The following CBL variants were observed in gnomAD, a reference collection of about 807,000 sequenced individuals.
CBL encodes the protein Cbl proto-oncogene.
CBL carries 45 observed loss-of-function variants against 96.9 expected under a neutral mutation model. The observed-to-expected ratio is 0.46, with a 90% CI of 0.37 to 0.60. The LOEUF is 0.60. CBL is among the 20% of genes least tolerant of loss of function. The pLI is 0.00. For missense variants in CBL, 1,024 were observed against 1,143.5 expected (o/e 0.90, Z 1.51); for synonymous variants, 420 against 426.8 (o/e 0.98, Z 0.20).
chr11:119,218,451 G>C (rs748492457), intron 1 of CBL, among the ~76,000 whole-genome samples: 1 of 152,174 alleles, frequency 6.6e-6, no homozygotes, highest in African/African-American at 2.4e-5. Flanking sequence ...CATATCCATA[G>C]TTTCGCTTCC....
chr11:119,228,598 C>T (rs1472143315), intron 1 of CBL, among the ~76,000 whole-genome samples: 1 of 149,462 alleles, frequency 6.7e-6, no homozygotes, highest in African/African-American at 2.5e-5. Flanking sequence ...AAGAGCAAAA[C>T]TCCATCTCAA....
At chr11:119,274,791 C>T (rs1355796754) in intron 4 of CBL, 41 bp from the exon 5 acceptor site, 3 of 1,563,822 alleles carry the variant, frequency 1.9e-6, no homozygotes, top group Non-Finnish European at 2.6e-6. Flanking sequence ...GTTGGTTGTA[C>T]ATCTGACCTG....
rs753249252 is a variant in CBL, at chr11:119,278,590, T to C, written c.1308T>C (p.Pro436=). ...CCATCGTGGTAGATCCGTTTGATCC[T>C]AGAGGGAGTGGCAGCCTGTTGAGGC... is the stretch of plus-strand genomic sequence containing the variant. The part of the protein sequence containing the change: ...TEPIVVDPFD[P]RGSGSLLRQG... The change falls in exon 9 of 16, where the codon CCT becomes CCC. Residue 436 remains proline (P), a synonymous_variant. Transcript: ENST00000264033. The C allele has an allele frequency of 1.2e-6, 2 of 1,614,134 alleles. No homozygotes were observed. Among genetic ancestry groups the C allele is most frequent in the South Asian group, 2.2e-5 (2 of 91,084 alleles).
At chr11:119,291,991 T>A (rs1950030514) in intron 12 of CBL, among the ~76,000 whole-genome samples, 3 of 152,134 alleles carry the variant, frequency 2.0e-5, no homozygotes, top group Admixed American at 2.0e-4. Context: ...TAGCTGGGAT[T>A]TTAGGCATGT....
intron 2 of CBL, among the ~76,000 whole-genome samples, chr11:119,240,403 A>ACT (rs1297908437): frequency 3.3e-5 from 5 of 152,126 alleles, no homozygotes; most frequent in Non-Finnish European, 4.4e-5. Context: ...TGTTGCCAGG[A>ACT]CTCTGTCTGT....
In CBL at chr11:119,306,593, G is replaced by C. The variant is rs1216985068; in HGVS notation, c.*6812G>C. 2.6e-6 allele frequency: 1 copy of C among 382,238 alleles called. No individual in the cohort carries two copies. Among genetic ancestry groups the C allele is most frequent in the Non-Finnish European group, 4.6e-6 (1 of 215,756 alleles). 23.7% of individuals were successfully genotyped at this position (382,238 alleles called of 1,614,324 possible). On this transcript the variant is annotated 3_prime_UTR_variant, in exon 16 of 16. Transcript: ENST00000264033. ...CTCTACCTACCTCTGACCTTCTTGT[G>C]GGTGAGGGTGGCCATGCTTATGGCC...
At chr11:119,275,700 T>G (rs1340251095) in intron 5 of CBL, among the ~76,000 whole-genome samples, 2 of 151,614 alleles carry the variant, frequency 1.3e-5, no homozygotes, top group Admixed American at 1.3e-4. Flanking sequence ...CCATCTCTAC[T>G]AAAAATACAA....
At chr11:119,290,598 C>T (rs1487796618) in intron 12 of CBL, among the ~76,000 whole-genome samples, 6 of 133,648 alleles carry the variant, frequency 4.5e-5, no homozygotes, top group East Asian at 2.8e-4. Flanking sequence ...CCAGCCTGGG[C>T]GACAGAGCGA....
At position 119,306,176 on chromosome 11, in the gene CBL, G is replaced by A; in HGVS notation, c.*6395G>A. The A allele has an allele frequency of 2.5e-6, 1 of 398,154 alleles. No individual in the cohort carries two copies. Among genetic ancestry groups the A allele is most frequent in the Non-Finnish European group, 4.4e-6 (1 of 225,962 alleles). The allele number at this position is 398,154 out of a possible 1,614,324, so 24.7% of individuals were successfully genotyped here. On this transcript the variant is annotated 3_prime_UTR_variant, in exon 16 of 16. Coordinates refer to ENST00000264033, the MANE Select transcript of CBL (RefSeq NM_005188.4). ...ATGGCGAGTCAGGTGGGGAGCACGG[G>A]TGGAAGGGCCGGCTGTTGACAGACA...
At chr11:119,233,194 T>C (rs1490716668) in intron 2 of CBL, among the ~76,000 whole-genome samples, 1 of 152,128 alleles carries the variant, frequency 6.6e-6, no homozygotes, top group African/African-American at 2.4e-5. Flanking sequence ...TAGGTAGAGG[T>C]GAATGCAGTT....
chr11:119,302,798 A>C lies in CBL; in HGVS notation c.*3017A>C, dbSNP rs1416365202. On this transcript the variant is annotated 3_prime_UTR_variant, in exon 16 of 16. Coordinates refer to ENST00000264033, the MANE Select transcript of CBL (RefSeq NM_005188.4). ...AATAGACCAGGCAGCTTCTCATCTC[A>C]GCATTTACCTGTTAATATTTTTGTG... is the stretch of plus-strand genomic sequence containing the variant. 2 of 230,586 alleles carry C rather than the reference A, an allele frequency of 8.7e-6. No homozygotes were observed. The highest frequency in any genetic ancestry group is 2.2e-5 in the African/African-American group (1 of 45,190). 14.3% of individuals were successfully genotyped at this position (230,586 alleles called of 1,614,324 possible). A position where few individuals can be genotyped will look rare whatever the true frequency, so the allele number is the denominator to read the frequency against.
rs151221935 is a variant in CBL at position 119,307,829 on chromosome 11, G to A, written c.*8048G>A. 1,286 of 209,654 alleles carry A rather than the reference G, an allele frequency of 6.1e-3. 13 individuals are homozygous for A. The highest frequency in any genetic ancestry group is 0.02 in the African/African-American group (875 of 44,086). 13.0% of individuals were successfully genotyped at this position (209,654 alleles called of 1,614,324 possible). ...AGAAGAAAACAAAACAAACACATAG[G>A]TGAGATTTTCGTGGACTATTTTAAA... On this transcript the variant is annotated 3_prime_UTR_variant, in exon 16 of 16. Coordinates refer to ENST00000264033, the MANE Select transcript of CBL (RefSeq NM_005188.4).
At chr11:119,208,190 A>C (rs1336497987) in intron 1 of CBL, among the ~76,000 whole-genome samples, 1 of 152,226 alleles carries the variant, frequency 6.6e-6, no homozygotes, top group East Asian at 1.9e-4. Context: ...CACATCGAAG[A>C]TATTCAAATG....
At chr11:119,290,344 C>G (rs1378172445) in intron 12 of CBL, among the ~76,000 whole-genome samples, 2 of 151,848 alleles carry the variant, frequency 1.3e-5, no homozygotes, top group African/African-American at 2.4e-5. Context: ...CTGTGCCCAG[C>G]CCACTTTTAA....
At position 119,227,466 on chromosome 11, in the gene CBL, C is replaced by T. The variant is rs115281315; in HGVS notation, c.196-4982C>T. Among the ~76,000 whole-genome samples the T allele has an allele frequency of 7.5e-3, 1,133 of 152,064 alleles. 13 individuals are homozygous for T. The highest frequency in any genetic ancestry group is 0.022 in the African/African-American group (917 of 41,464). On this transcript the variant is annotated intron_variant, in intron 1 of 15. Transcript: ENST00000264033. ...TAATTTCAACTCTTAGCCTCAATGTCGCATCAGAAAAGCCTTATCTACTAG... is the reference window on the plus strand; with the variant it reads ...TAATTTCAACTCTTAGCCTCAATGTTGCATCAGAAAAGCCTTATCTACTAG...
intron 2 of CBL, among the ~76,000 whole-genome samples, chr11:119,270,452 T>A (rs1949837031): frequency 1.9e-5 from 2 of 103,216 alleles, no homozygotes; most frequent in Non-Finnish European, 4.1e-5. Context: ...TTTTTTTTTT[T>A]TTTTTTTTTT....
chr11:119,218,301 T>C lies in CBL; in HGVS notation c.195+11689T>C, dbSNP rs542783799. On this transcript the variant is annotated intron_variant, in intron 1 of 15. Coordinates refer to ENST00000264033, the MANE Select transcript of CBL (RefSeq NM_005188.4). ...TCACTGGGGCTCATGAGGCAAACCATTAATCTCTGAGGAGACAAAAAGGGG... is the reference window on the plus strand; with the variant it reads ...TCACTGGGGCTCATGAGGCAAACCACTAATCTCTGAGGAGACAAAAAGGGG... Among the ~76,000 whole-genome samples, 3 of 152,182 alleles carry C rather than the reference T, an allele frequency of 2.0e-5. No individual in the cohort carries two copies. In the South Asian group the frequency reaches 6.2e-4, roughly 32 times the overall value.
At chr11:119,292,525 A>G (rs986253407) in intron 12 of CBL, among the ~76,000 whole-genome samples, 1 of 151,812 alleles carries the variant, frequency 6.6e-6, no homozygotes, top group Non-Finnish European at 1.5e-5. Context: ...GGTTCATGCC[A>G]TTCTCCTGCC....
chr11:119,236,241 C>T (rs1949545080), intron 2 of CBL, among the ~76,000 whole-genome samples: 1 of 152,124 alleles, frequency 6.6e-6, no homozygotes, highest in African/African-American at 2.4e-5. Flanking sequence ...TGGATCTCCC[C>T]TGGCGCTTGG....
Sources: allele counts gnomAD v4.1 joint callset (sites outside exome capture counted in the v4.1 genomes callset), GRCh38; gene constraint gnomAD v4.1.1; transcripts MANE v1.5; gene names NCBI Gene and HGNC (gene_info 2026-07-23, HGNC 2026-07-21).